Variants in JAKMIP1 observed in about 807,000 individuals in gnomAD.
JAKMIP1 encodes the protein janus kinase and microtubule-interacting protein 1.
In JAKMIP1, 33 loss-of-function variants were observed where a neutral mutation model predicts 113.0. That is an observed-to-expected ratio of 0.29 (90% CI 0.22 to 0.39). The LOEUF (loss-of-function observed/expected upper bound fraction) is 0.39, where lower values mean the gene tolerates loss of function less well. Ranked by LOEUF, JAKMIP1 falls within the 10% of genes least tolerant of loss-of-function variation. The pLI, the probability that JAKMIP1 is intolerant of heterozygous loss-of-function variation, is 1.00. For synonymous variants in JAKMIP1, 480 were observed against 459.9 expected (o/e 1.04, Z -0.56); for missense variants, 813 against 1,080.5 (o/e 0.75, Z 3.47).
chr4:6,112,697 C>T (rs1460469954), intron 2 of JAKMIP1, 25 bp downstream of exon 2: 2 of 1,610,524 alleles, frequency 1.2e-6, no homozygotes, highest in African/African-American at 2.7e-5. Flanking sequence ...AGCCCAGCCG[C>T]TGCTGAGCTG....
At chr4:6,119,570 CAAA>C (rs142605287) in intron 1 of JAKMIP1, among the ~76,000 whole-genome samples, 1 of 128,412 alleles carries the variant, frequency 7.8e-6, no homozygotes, top group African/African-American at 3.2e-5. Flanking sequence ...ACAACAACAA[CAAA>C]AAAAAACCAC....
chr4:6,103,615 G>A (rs1487132372), intron 3 of JAKMIP1, among the ~76,000 whole-genome samples: 3 of 152,184 alleles, frequency 2.0e-5, no homozygotes, highest in African/African-American at 4.8e-5. Flanking sequence ...ATTTACTTGT[G>A]AAGCCATCTA....
intron 1 of JAKMIP1, among the ~76,000 whole-genome samples, chr4:6,172,615 G>A (rs1219501365): frequency 6.6e-6 from 1 of 152,188 alleles, no homozygotes; most frequent in Non-Finnish European, 1.5e-5. Flanking sequence ...TCAGCCAGGG[G>A]ATGGGAGCCC....
rs1726832672 is a variant in JAKMIP1 at position 6,187,995 on chromosome 4, C to T, written c.-148+12258G>A. On this transcript the variant is annotated intron_variant, in intron 1 of 20. Transcript: ENST00000409021. This position sits in a 1 kb window ranked among gnomAD's most constrained non-coding sequence, Gnocchi z 4.2. Reference sequence around the variant, plus strand: ...CCATGTAAGTCAGGAGCAAGGACTTCAAAGAGGTATTTCTTTTAAATGTAG... The same window carrying T: ...CCATGTAAGTCAGGAGCAAGGACTTTAAAGAGGTATTTCTTTTAAATGTAG... Among the ~76,000 whole-genome samples the T allele has an allele frequency of 6.6e-6, 1 of 152,172 alleles. No individual in the cohort carries two copies. Among genetic ancestry groups the T allele is most frequent in the African/African-American group, 2.4e-5 (1 of 41,426 alleles).
intron 1 of JAKMIP1, among the ~76,000 whole-genome samples, chr4:6,128,452 G>A (rs997067682): frequency 6.6e-6 from 1 of 152,186 alleles, no homozygotes; most frequent in African/African-American, 2.4e-5. Context: ...GACCAGGAGC[G>A]GGGAGGGAGG....
chr4:6,131,173 A>AAAAAAAAAAAAG (rs71173409), intron 1 of JAKMIP1, among the ~76,000 whole-genome samples: 16,312 of 94,768 alleles, frequency 0.17, 2,919 homozygotes, highest in African/African-American at 0.23. Context: ...AAAAAAAAAA[A>AAAAAAAAAAAAG]AATATCCCAG....
chr4:6,085,313 A>AGTG, intron 4 of JAKMIP1, 107 bp downstream of exon 4: 2 of 921,784 alleles, frequency 2.2e-6, no homozygotes, highest in Non-Finnish European at 3.2e-6. Context: ...TGAATGAATG[A>AGTG]ATGAGTGAAT....
At chr4:6,190,356 C>G (rs1444556279) in intron 1 of JAKMIP1, among the ~76,000 whole-genome samples, 1 of 152,174 alleles carries the variant, frequency 6.6e-6, no homozygotes, top group African/African-American at 2.4e-5. Context: ...TCTACTTATT[C>G]AACAAAAACC....
chr4:6,130,784 GGAA>G (rs1166332021), intron 1 of JAKMIP1, among the ~76,000 whole-genome samples: 1 of 152,082 alleles, frequency 6.6e-6, no homozygotes, highest in Non-Finnish European at 1.5e-5. Flanking sequence ...CACAGCTGAA[GGAA>G]GAAGCAGTGG....
At position 6,157,808 on chromosome 4, in the gene JAKMIP1, T is replaced by G. The variant is rs1722431306; in HGVS notation, c.-148+42445A>C. Among the ~76,000 whole-genome samples, 1 of 151,934 alleles carries G rather than the reference T, an allele frequency of 6.6e-6. No homozygotes were observed. The highest frequency in any genetic ancestry group is 2.1e-4 in the South Asian group (1 of 4,808). On this transcript the variant is annotated intron_variant, in intron 1 of 20. Transcript: ENST00000409021. The surrounding 1 kb of genome is among the most constrained non-coding windows in gnomAD (Gnocchi z 4.7). Reference sequence around the variant, plus strand: ...AGGGTGTGAGTGAGGGACCGTAGAGTCGAGAATTCTGATGAAAAAACTTAA... The same window carrying G: ...AGGGTGTGAGTGAGGGACCGTAGAGGCGAGAATTCTGATGAAAAAACTTAA...
At position 6,069,203 on chromosome 4, in the gene JAKMIP1, T is replaced by C. The variant is rs1168523378; in HGVS notation, c.1303-4195A>G. ...GCCCAGAAAACATTGTTTCCTGTCA[T>C]GACTGGCACACAGTGGGCTTTAAAA... On this transcript the variant is annotated intron_variant, in intron 8 of 20. Transcript: ENST00000409021. The surrounding 1 kb of genome is among the most constrained non-coding windows in gnomAD (Gnocchi z 4.5). Among the ~76,000 whole-genome samples the C allele has an allele frequency of 2.6e-5, 4 of 152,200 alleles. No individual in the cohort carries two copies. The highest frequency in any genetic ancestry group is 2.6e-4 in the Admixed American group (4 of 15,282).
Position 6,059,851 on chromosome 4 carries a change from G to C in JAKMIP1, c.1644+573C>G, listed in dbSNP as rs1433654106. 6.6e-6 allele frequency among the ~76,000 whole-genome samples: 1 copy of C among 152,102 alleles called. No homozygotes were observed. The highest frequency in any genetic ancestry group is 2.4e-5 in the African/African-American group (1 of 41,410). ...CCGAGAGGCCAGATTTCCACCCAGAGCCCTCTCTGGCTCCCCCACTCCAGG... is the reference window on the plus strand; with the variant it reads ...CCGAGAGGCCAGATTTCCACCCAGACCCCTCTCTGGCTCCCCCACTCCAGG... On this transcript the variant is annotated intron_variant, in intron 11 of 20. Transcript: ENST00000409021. This position sits in a 1 kb window ranked among gnomAD's most constrained non-coding sequence, Gnocchi z 4.8.
intron 3 of JAKMIP1, among the ~76,000 whole-genome samples, chr4:6,096,618 A>G (rs1488626444): frequency 5.9e-5 from 9 of 152,208 alleles, no homozygotes; most frequent in Non-Finnish European, 4.4e-5. Flanking sequence ...GAGTTTTGAA[A>G]GAGGATCCAT....
rs544317565 is a variant in JAKMIP1 at position 6,186,783 on chromosome 4, A to G, written c.-148+13470T>C. On this transcript the variant is annotated intron_variant, in intron 1 of 20. Transcript: ENST00000409021. This position sits in a 1 kb window ranked among gnomAD's most constrained non-coding sequence, Gnocchi z 5.5. Reference sequence around the variant, plus strand: ...TTGAAAGTGGGTGTTGACATATTCAACTATTGTTGTTGAATTATCTATTTC... The same window carrying G: ...TTGAAAGTGGGTGTTGACATATTCAGCTATTGTTGTTGAATTATCTATTTC... Among the ~76,000 whole-genome samples the G allele has an allele frequency of 1.5e-4, 23 of 152,218 alleles. No homozygotes were observed. The highest frequency in any genetic ancestry group is 1.5e-3 in the Admixed American group (23 of 15,286).
In JAKMIP1 at chr4:6,143,402, T is replaced by G. The variant is rs1720428984; in HGVS notation, c.-147-30405A>C. ...GAAACTCAGCTGCCACCAACTCCTC[T>G]CTGGCGCCATGTCTGAACCCAGGCT... On this transcript the variant is annotated intron_variant, in intron 1 of 20. Transcript: ENST00000409021. The surrounding 1 kb of genome is among the most constrained non-coding windows in gnomAD (Gnocchi z 4.9). Among the ~76,000 whole-genome samples, 1 of 152,282 alleles carries G rather than the reference T, an allele frequency of 6.6e-6. No homozygotes were observed. Among genetic ancestry groups the G allele is most frequent in the Admixed American group, 6.5e-5 (1 of 15,294 alleles).
At position 6,064,426 on chromosome 4, in the gene JAKMIP1, C is replaced by G. The variant is rs959229804; in HGVS notation, c.1431+454G>C. Among the ~76,000 whole-genome samples the G allele has an allele frequency of 6.6e-6, 1 of 152,120 alleles. No homozygotes were observed. Among genetic ancestry groups the G allele is most frequent in the Non-Finnish European group, 1.5e-5 (1 of 68,022 alleles). ...GGACTTCAGGGCTCTTCACCTTCTT[C>G]TTTATATATTTTTGGATTACATGCT... is the stretch of plus-strand genomic sequence containing the variant. On this transcript the variant is annotated intron_variant, in intron 9 of 20. Transcript: ENST00000409021. This position sits in a 1 kb window ranked among gnomAD's most constrained non-coding sequence, Gnocchi z 4.3.
At position 6,078,978 on chromosome 4, in the gene JAKMIP1, G is replaced by A. The variant is rs1225977885; in HGVS notation, c.1263C>T (p.Arg421=). 6.2e-7 allele frequency: 1 copy of A among 1,614,034 alleles called. No homozygotes were observed. Among genetic ancestry groups the A allele is most frequent in the Non-Finnish European group, 8.5e-7 (1 of 1,180,020 alleles). Residue 421 remains arginine (R), a synonymous_variant, in exon 8 of 21, where the codon CGC becomes CGT. Transcript: ENST00000409021. ...GACTTTTCCCTCGATGCCTTTTGGA[G>A]CGCAACAGCCGTTCTCTCTCCTAGA... The part of the protein sequence containing the change: ...DLSLERERLL[R]SKRHRGKSLK...
At position 6,186,255 on chromosome 4, in the gene JAKMIP1, G is replaced by A. The variant is rs892576478; in HGVS notation, c.-148+13998C>T. Among the ~76,000 whole-genome samples the A allele has an allele frequency of 3.3e-5, 5 of 152,234 alleles. No individual in the cohort carries two copies. Among genetic ancestry groups the A allele is most frequent in the Admixed American group, 1.3e-4 (2 of 15,286 alleles). On this transcript the variant is annotated intron_variant, in intron 1 of 20. Transcript: ENST00000409021. The surrounding 1 kb of genome is among the most constrained non-coding windows in gnomAD (Gnocchi z 5.5). Reference sequence around the variant, plus strand: ...GCAGACTGAGGAGGCACAGCAGGGTGGGGAAGTCCAAGGAATGGGCATTCC... The same window carrying A: ...GCAGACTGAGGAGGCACAGCAGGGTAGGGAAGTCCAAGGAATGGGCATTCC...
chr4:6,083,009 C>T (rs1393277524), intron 5 of JAKMIP1, among the ~76,000 whole-genome samples: 1 of 151,712 alleles, frequency 6.6e-6, no homozygotes, highest in African/African-American at 2.4e-5. Flanking sequence ...CAATTCATAT[C>T]CATAAAATAA....
Sources: gnomAD v4.1 joint callset for allele counts (sites outside exome capture counted in the v4.1 genomes callset) on GRCh38, gnomAD v4.1.1 for gene constraint, Gnocchi (gnomAD v3.1) non-coding constraint, MANE v1.5 for transcripts, NCBI Gene and HGNC (gene_info 2026-07-23, HGNC 2026-07-21) for gene names.